Variants in MEIS1 observed in about 807,000 individuals in gnomAD.
The protein encoded by MEIS1 is Meis homeobox 1.
A neutral mutation model predicts 50.8 loss-of-function variants in MEIS1; 5 were observed. That is an observed-to-expected ratio of 0.10 (90% CI 0.05 to 0.21). The LOEUF (loss-of-function observed/expected upper bound fraction) is 0.21, where lower values mean the gene tolerates loss of function less well. Ranked by LOEUF, MEIS1 falls within the 10% of genes least tolerant of loss-of-function variation. MEIS1 has a pLI of 1.00. For missense variants in MEIS1, 318 were observed against 517.3 expected, an observed-to-expected ratio of 0.61 and a Z score of 3.74; for synonymous variants, 176 against 179.3, an observed-to-expected ratio of 0.98 and a Z score of 0.15.
intron 6 of MEIS1, 52 bp from the exon 7 acceptor site, chr2:66,464,057 A>G (rs200611608): frequency 3.7e-6 from 5 of 1,337,604 alleles, no homozygotes; most frequent in Middle Eastern, 1.9e-4. Context: ...GATCCTACCA[A>G]TAAGGGTTCA....
intron 8 of MEIS1, among the ~76,000 whole-genome samples, chr2:66,513,596 TAA>T (rs540333917): frequency 2.9e-5 from 4 of 137,108 alleles, no homozygotes; most frequent in South Asian, 2.3e-4. Context: ...CAGGAATAGC[TAA>T]AAAAAAAAAA....
At chr2:66,469,706 A>G (rs1293111170) in intron 7 of MEIS1, among the ~76,000 whole-genome samples, 1 of 152,044 alleles carries the variant, frequency 6.6e-6, no homozygotes, top group Non-Finnish European at 1.5e-5. Context: ...CCAAACTGAC[A>G]CTTCATTTTT....
chr2:66,452,825 T>C (rs2103716608), intron 6 of MEIS1, among the ~76,000 whole-genome samples: 1 of 152,106 alleles, frequency 6.6e-6, no homozygotes, highest in African/African-American at 2.4e-5. Context: ...TTTTAAAAGC[T>C]GTGTTTAATA....
intron 8 of MEIS1, among the ~76,000 whole-genome samples, chr2:66,519,856 C>T (rs566006702): frequency 1.1e-4 from 17 of 152,274 alleles, no homozygotes; most frequent in African/African-American, 4.1e-4. Context: ...GTCCTGTTGG[C>T]ATGATCTCTT....
intron 7 of MEIS1, among the ~76,000 whole-genome samples, chr2:66,510,484 T>C (rs1278461073): frequency 1.3e-5 from 2 of 152,208 alleles, no homozygotes; most frequent in East Asian, 3.9e-4. Flanking sequence ...ACAAGATATG[T>C]TTCTGTTAAA....
At chr2:66,455,089 G>T (rs1672358526) in intron 6 of MEIS1, among the ~76,000 whole-genome samples, 1 of 151,966 alleles carries the variant, frequency 6.6e-6, no homozygotes, top group Non-Finnish European at 1.5e-5. Flanking sequence ...TAATACAATG[G>T]CATAGAAAAA....
At position 66,437,731 on chromosome 2, in the gene MEIS1, A is replaced by G. The variant is rs760210949; in HGVS notation, c.13-6A>G. On this transcript the variant is annotated splice_polypyrimidine_tract_variant and splice_region_variant and intron_variant, in intron 1 of 12. Coordinates refer to ENST00000272369, the MANE Select transcript of MEIS1 (RefSeq NM_002398.3). ...GAACCTTCTTTCTCTCCTGTTTGTC[A>G]TGCAGTACGACGATCTACCCCATTA... 1 of 1,613,544 alleles carries G rather than the reference A, an allele frequency of 6.2e-7. No homozygotes were observed. Among genetic ancestry groups the G allele is most frequent in the South Asian group, 1.1e-5 (1 of 91,038 alleles).
At chr2:66,458,771 G>C (rs1420616596) in intron 6 of MEIS1, among the ~76,000 whole-genome samples, 1 of 152,160 alleles carries the variant, frequency 6.6e-6, no homozygotes, top group Non-Finnish European at 1.5e-5. Context: ...GTGTGTGTTT[G>C]TGTAAGTGCA....
intron 8 of MEIS1, among the ~76,000 whole-genome samples, chr2:66,540,787 A>G (rs903832597): frequency 1.3e-5 from 2 of 152,224 alleles, no homozygotes; most frequent in Non-Finnish European, 2.9e-5. Context: ...TCTTAAACGT[A>G]TATACTTTAA....
At chr2:66,501,958 AT>A (rs1249971177) in intron 7 of MEIS1, among the ~76,000 whole-genome samples, 2 of 151,720 alleles carry the variant, frequency 1.3e-5, no homozygotes, top group Non-Finnish European at 2.9e-5. Flanking sequence ...TCACCCAGTT[AT>A]GTTTTATACA....
intron 7 of MEIS1, among the ~76,000 whole-genome samples, chr2:66,471,417 G>A (rs927694643): frequency 6.6e-6 from 1 of 152,172 alleles, no homozygotes; most frequent in African/African-American, 2.4e-5. Flanking sequence ...TGTCAATGAC[G>A]TCTGTCTACT....
At chr2:66,512,448 C>T (rs995615711) in intron 8 of MEIS1, among the ~76,000 whole-genome samples, 154 bp downstream of exon 8, 1 of 152,138 alleles carries the variant, frequency 6.6e-6, no homozygotes, top group Non-Finnish European at 1.5e-5. Context: ...GCACTTATTT[C>T]TTAGATAGAT....
chr2:66,501,383 C>T (rs1246035488), intron 7 of MEIS1, among the ~76,000 whole-genome samples: 2 of 151,872 alleles, frequency 1.3e-5, no homozygotes, highest in South Asian at 2.1e-4. Flanking sequence ...TACTCACATC[C>T]TGAAGTTTCT....
chr2:66,475,059 A>G (rs1038318008), intron 7 of MEIS1, among the ~76,000 whole-genome samples: 6 of 151,336 alleles, frequency 4.0e-5, no homozygotes, highest in African/African-American at 1.2e-4. Flanking sequence ...CAGGACAGCT[A>G]GCACCTTGAC....
chr2:66,565,298 T>C (rs2103969775), intron 9 of MEIS1, among the ~76,000 whole-genome samples: 1 of 151,804 alleles, frequency 6.6e-6, no homozygotes, highest in Non-Finnish European at 1.5e-5. Flanking sequence ...CTCTCTCTCT[T>C]TGAATAGCCT....
chr2:66,472,207 G>C (rs1056521958), intron 7 of MEIS1, among the ~76,000 whole-genome samples: 15 of 152,178 alleles, frequency 9.9e-5, no homozygotes, highest in Non-Finnish European at 5.9e-5. Context: ...AATAAATAAG[G>C]AGAGAATTCA....
chr2:66,449,156 A>G (rs1194688393), intron 6 of MEIS1, among the ~76,000 whole-genome samples: 1 of 152,116 alleles, frequency 6.6e-6, no homozygotes, highest in African/African-American at 2.4e-5. Context: ...TGCGGATGTT[A>G]TTATAGATTT....
At chr2:66,544,212 GT>G (rs1040541167) in intron 8 of MEIS1, among the ~76,000 whole-genome samples, 13 of 150,794 alleles carry the variant, frequency 8.6e-5, no homozygotes, top group South Asian at 2.1e-4. Flanking sequence ...GGCTTTCAAT[GT>G]TTTTTTTTCA....
At chr2:66,521,796 T>C (rs950803272) in intron 8 of MEIS1, among the ~76,000 whole-genome samples, 11 of 152,222 alleles carry the variant, frequency 7.2e-5, no homozygotes, top group African/African-American at 2.7e-4. Context: ...CGTATAATGC[T>C]GGCAAATCTA....
Sources: allele counts gnomAD v4.1 joint callset (sites outside exome capture counted in the v4.1 genomes callset), GRCh38; gene constraint gnomAD v4.1.1; transcripts MANE v1.5; gene names NCBI Gene and HGNC (gene_info 2026-07-23, HGNC 2026-07-21).